The following JMJD1C variants were observed in gnomAD, a reference collection of about 807,000 sequenced individuals.
The protein encoded by JMJD1C is jumonji domain-containing protein 1C.
In JMJD1C, 31 loss-of-function variants were observed where a neutral mutation model predicts 245.3. The ratio of observed to expected loss-of-function variants is 0.13; its 90% CI spans 0.09 to 0.17. The LOEUF is 0.17. JMJD1C is among the 10% of genes least tolerant of loss of function. The pLI, the probability that JMJD1C is intolerant of heterozygous loss-of-function variation, is 1.00. For missense variants in JMJD1C, 2,691 were observed against 3,000.2 expected (o/e 0.90, Z 2.41); for synonymous variants, 1,057 against 1,017.4 (o/e 1.04, Z -0.74).
chr10:63,489,497 C>A, intron 1 of JMJD1C: 1 of 157,228 alleles, frequency 6.4e-6, no homozygotes. Context: ...TCCACTCTTT[C>A]ACCGAGTACT....
intron 2 of JMJD1C, among the ~76,000 whole-genome samples, chr10:63,344,568 C>CAAAA: frequency 6.6e-6 from 1 of 152,074 alleles, no homozygotes; most frequent in African/African-American, 2.4e-5. Flanking sequence ...AAAATCTGAC[C>CAAAA]CATGAAAGAA....
At chr10:63,366,447 T>C (rs920256427) in intron 2 of JMJD1C, among the ~76,000 whole-genome samples, 13 of 152,222 alleles carry the variant, frequency 8.5e-5, no homozygotes, top group African/African-American at 3.1e-4. Flanking sequence ...ACTATAGCCA[T>C]GAATATAATG....
chr10:63,416,867 T>C (rs963944958), intron 1 of JMJD1C, among the ~76,000 whole-genome samples: 47 of 152,184 alleles, frequency 3.1e-4, no homozygotes, highest in African/African-American at 8.9e-4. Context: ...AACTAAACAA[T>C]TGATTTTTCA....
chr10:63,267,758 G>A (rs974435712), intron 2 of JMJD1C, among the ~76,000 whole-genome samples: 1 of 151,888 alleles, frequency 6.6e-6, no homozygotes, highest in Non-Finnish European at 1.5e-5. Flanking sequence ...TTTTTTTAAG[G>A]TCATTTATCA....
chr10:63,507,644 CAAAAAAA>C lies in JMJD1C; in HGVS notation n.113+14087_113+14093del, dbSNP rs34738955. 3.9e-4 allele frequency among the ~76,000 whole-genome samples: 23 copies of C among 58,770 alleles called. 1 individual carries two copies. Among genetic ancestry groups the C allele is most frequent in the African/African-American group, 2.2e-3 (23 of 10,336 alleles). The allele number at this position is 58,770 out of a possible 152,430, so 38.6% of individuals were successfully genotyped here. On this transcript the variant is annotated intron_variant and non_coding_transcript_variant, in intron 1 of 3. Coordinates refer to the JMJD1C transcript ENST00000633035. Reference sequence around the variant, plus strand: ...TGGGCAACAGAGTAAGACTCTGTCTCAAAAAAAAAAAAAAAAAAACAGTGGCTGTGCC... The same window carrying C: ...TGGGCAACAGAGTAAGACTCTGTCTCAAAAAAAAAAAACAGTGGCTGTGCC...
chr10:63,301,082 C>T (rs1477991544), intron 2 of JMJD1C, among the ~76,000 whole-genome samples: 1 of 152,206 alleles, frequency 6.6e-6, no homozygotes, highest in African/African-American at 2.4e-5. Flanking sequence ...GTGGCATGAC[C>T]TTGGCTCACT....
chr10:63,400,358 G>A (rs1002951330), intron 1 of JMJD1C, among the ~76,000 whole-genome samples: 2 of 152,144 alleles, frequency 1.3e-5, no homozygotes, highest in African/African-American at 4.8e-5. Context: ...TAAACAACAT[G>A]TGAGTGTGTC....
chr10:63,214,598 C>A lies in JMJD1C; in HGVS notation c.1569G>T (p.Gln523His). Residue 523 changes from glutamine (Q) to histidine (H), a missense_variant, in exon 8 of 26, where the codon CAG (glutamine) becomes CAT (histidine). Gln to His is a conservative substitution (Grantham distance 24, BLOSUM62 0). This residue lies in a region of JMJD1C where 1,562 missense variants were observed against 1,490.7 expected (regional missense o/e 1.05). Transcript: ENST00000399262. ...GAAGGCCAAAGGTACTTGAGTTTTC[C>A]TGAGCCACCTTTTCTAAATTAGTGT... is the stretch of plus-strand genomic sequence containing the variant. ...TNDTNLEKVA[Q>H]ENSSTFGLQT... 6.2e-7 allele frequency: 1 copy of A among 1,614,100 alleles called. No homozygotes were observed. The highest frequency in any genetic ancestry group is 8.5e-7 in the Non-Finnish European group (1 of 1,179,992).
intron 1 of JMJD1C, among the ~76,000 whole-genome samples, chr10:63,423,463 A>G (rs1311617430): frequency 1.3e-5 from 2 of 152,190 alleles, no homozygotes; most frequent in African/African-American, 2.4e-5. Context: ...AGGATTATCC[A>G]TATGTTGTAT....
At chr10:63,225,097 C>G (rs1000249307) in intron 3 of JMJD1C, among the ~76,000 whole-genome samples, 9 of 151,918 alleles carry the variant, frequency 5.9e-5, no homozygotes, top group African/African-American at 1.9e-4. Flanking sequence ...ATGGCACAGT[C>G]TTCACATTTC....
At chr10:63,499,907 CATG>C (rs1355554586) in intron 1 of JMJD1C, among the ~76,000 whole-genome samples, 1 of 152,156 alleles carries the variant, frequency 6.6e-6, no homozygotes, top group African/African-American at 2.4e-5. Flanking sequence ...AAATGCTTTA[CATG>C]ATATTTATAA....
chr10:63,301,069 G>A (rs182323792), intron 2 of JMJD1C, among the ~76,000 whole-genome samples: 22 of 152,320 alleles, frequency 1.4e-4, no homozygotes, highest in Admixed American at 1.2e-3. Flanking sequence ...AGGCTACAGT[G>A]CAGTGGCATG....
intron 1 of JMJD1C, among the ~76,000 whole-genome samples, chr10:63,443,361 G>A (rs1301279130): frequency 6.6e-6 from 1 of 152,038 alleles, no homozygotes; most frequent in African/African-American, 2.4e-5. Context: ...ACCCACGCTG[G>A]GATGCAGTGG....
chr10:63,280,952 AC>A (rs1857305445), intron 2 of JMJD1C, among the ~76,000 whole-genome samples: 1 of 149,638 alleles, frequency 6.7e-6, no homozygotes, highest in African/African-American at 2.5e-5. Flanking sequence ...GGGATCCTTT[AC>A]CTCTTTTTCT....
chr10:63,177,428 C>T (rs934760356), intron 23 of JMJD1C: 2 of 316,686 alleles, frequency 6.3e-6, no homozygotes, highest in South Asian at 4.3e-5. Context: ...AGCTACTTTT[C>T]GCCACCCAAC....
At chr10:63,443,711 C>G (rs1469733466) in intron 1 of JMJD1C, among the ~76,000 whole-genome samples, 1 of 152,162 alleles carries the variant, frequency 6.6e-6, no homozygotes, top group Non-Finnish European at 1.5e-5. Context: ...CCAGTCACTC[C>G]CCACTCCCCA....
intron 1 of JMJD1C, among the ~76,000 whole-genome samples, chr10:63,412,366 A>ATG (rs763763780): frequency 6.6e-6 from 1 of 152,196 alleles, no homozygotes; most frequent in Non-Finnish European, 1.5e-5. Context: ...TTTCTGTTCT[A>ATG]TGGTATCATT....
At chr10:63,332,582 T>C (rs1400480882) in intron 2 of JMJD1C, among the ~76,000 whole-genome samples, 37 of 152,192 alleles carry the variant, frequency 2.4e-4, no homozygotes, top group Non-Finnish European at 1.5e-5. Flanking sequence ...TTACCAATTG[T>C]GTGAGTTTAG....
At chr10:63,277,023 G>A (rs534700930) in intron 2 of JMJD1C, among the ~76,000 whole-genome samples, 48 of 149,510 alleles carry the variant, frequency 3.2e-4, no homozygotes, top group South Asian at 1.1e-3. Context: ...CTGGGACTAC[G>A]GGCACCCACC....
Sources: gnomAD v4.1 joint callset for allele counts (sites outside exome capture counted in the v4.1 genomes callset) on GRCh38, gnomAD v4.1.1 for gene constraint, gnomAD v4.1.1 regional missense constraint, MANE v1.5 for transcripts, NCBI Gene and HGNC (gene_info 2026-07-23, HGNC 2026-07-21) for gene names.